SPOCK3: variants seen among roughly 807,000 people sequenced by gnomAD.
SPOCK3 encodes testican-3.
A neutral mutation model predicts 56.6 loss-of-function variants in SPOCK3; 30 were observed. The observed-to-expected ratio is 0.53, with a 90% CI of 0.40 to 0.72. The LOEUF is 0.72. Ranked by LOEUF, SPOCK3 falls within the 30% of genes least tolerant of loss-of-function variation. The pLI is 0.00. For synonymous variants in SPOCK3, 196 were observed against 183.3 expected (o/e 1.07, Z -0.56); for missense variants, 527 against 530.0 (o/e 0.99, Z 0.06).
intron 2 of SPOCK3, among the ~76,000 whole-genome samples, chr4:167,232,704 A>C (rs965042905): frequency 6.6e-6 from 1 of 152,194 alleles, no homozygotes; most frequent in African/African-American, 2.4e-5. Context: ...AATGATGCTT[A>C]AGCTTTGTTC....
chr4:166,742,177 T>G, intron 8 of SPOCK3, 118 bp from the exon 9 acceptor site: 1 of 675,248 alleles, frequency 1.5e-6, no homozygotes, highest in South Asian at 1.7e-5. Flanking sequence ...GTATTACATA[T>G]TAATTGGTTT....
intron 7 of SPOCK3, among the ~76,000 whole-genome samples, chr4:166,771,987 A>G (rs895520584): frequency 1.3e-5 from 2 of 152,056 alleles, no homozygotes; most frequent in African/African-American, 4.8e-5. Flanking sequence ...TGCAATGAAG[A>G]ATATTCAGTC....
At chr4:166,851,185 G>C (rs1333746706) in intron 6 of SPOCK3, among the ~76,000 whole-genome samples, 2 of 152,144 alleles carry the variant, frequency 1.3e-5, no homozygotes, top group East Asian at 1.9e-4. Context: ...GCCTAACTGG[G>C]AGGCACTCCC....
chr4:167,011,445 T>C (rs575135885), intron 3 of SPOCK3: 2 of 186,968 alleles, frequency 1.1e-5, no homozygotes, highest in East Asian at 2.7e-4. Flanking sequence ...TTTGTATTGT[T>C]ACTTTCCTCC....
At chr4:167,125,017 G>T (rs1762144842) in intron 2 of SPOCK3, among the ~76,000 whole-genome samples, 1 of 152,060 alleles carries the variant, frequency 6.6e-6, no homozygotes, top group South Asian at 2.1e-4. Flanking sequence ...TCTTAGTGAA[G>T]TCTTTTCTTG....
intron 4 of SPOCK3, among the ~76,000 whole-genome samples, chr4:166,959,029 A>C (rs556569828): frequency 6.6e-6 from 1 of 152,298 alleles, no homozygotes; most frequent in Non-Finnish European, 1.5e-5. Flanking sequence ...AAAAAGATTA[A>C]TTTTTATTTA....
At chr4:167,103,725 C>T (rs891820932) in intron 2 of SPOCK3, among the ~76,000 whole-genome samples, 1 of 152,076 alleles carries the variant, frequency 6.6e-6, no homozygotes, top group Non-Finnish European at 1.5e-5. Flanking sequence ...ATAGTAGAGC[C>T]CTAGGACCTT....
chr4:166,753,435 A>C lies in SPOCK3; in HGVS notation c.931+1073T>G, dbSNP rs573072172. ...ATAAATATTTTAATACAGTAAATGT[A>C]TTTTTTAAACTTTGTTTAGAGTGGT... On this transcript the variant is annotated intron_variant, in intron 8 of 10. Coordinates refer to ENST00000357545, the MANE Select transcript of SPOCK3 (RefSeq NM_001040159.2). Among the ~76,000 whole-genome samples, 4 of 152,106 alleles carry C rather than the reference A, an allele frequency of 2.6e-5. No homozygotes were observed. The East Asian group carries it at 5.8e-4, about 22-fold the overall frequency.
At chr4:167,122,914 C>G (rs571171534) in intron 2 of SPOCK3, among the ~76,000 whole-genome samples, 1 of 151,680 alleles carries the variant, frequency 6.6e-6, no homozygotes, top group African/African-American at 2.4e-5. Flanking sequence ...TAGTACCAGC[C>G]TTAAAATAAC....
intron 5 of SPOCK3, among the ~76,000 whole-genome samples, chr4:166,893,387 C>T (rs920577208): frequency 4.6e-5 from 7 of 152,068 alleles, no homozygotes; most frequent in African/African-American, 1.7e-4. Context: ...ACTTAATTAT[C>T]TAGAGAAACC....
At position 166,954,826 on chromosome 4, in the gene SPOCK3, C is replaced by T. The variant is rs535958341; in HGVS notation, c.351-42083G>A. On this transcript the variant is annotated intron_variant, in intron 4 of 10. Transcript: ENST00000357545. ...TTGGCATGAAACTCCATCCCCCACCCGCAGGTCCAGGCAGCCAATCATCTA... is the reference window on the plus strand; with the variant it reads ...TTGGCATGAAACTCCATCCCCCACCTGCAGGTCCAGGCAGCCAATCATCTA... Among the ~76,000 whole-genome samples, 51 of 152,264 alleles carry T rather than the reference C, an allele frequency of 3.3e-4. 1 individual carries two copies. Among genetic ancestry groups the T allele is most frequent in the African/African-American group, 1.1e-3 (44 of 41,552 alleles).
intron 9 of SPOCK3, among the ~76,000 whole-genome samples, chr4:166,739,280 A>T (rs538962190): frequency 3.0e-4 from 45 of 151,916 alleles, no homozygotes; most frequent in African/African-American, 1.1e-3. Context: ...TCACTCCATC[A>T]CTCAGGCTGG....
chr4:167,024,562 A>C (rs1272403504), intron 3 of SPOCK3, among the ~76,000 whole-genome samples: 1 of 152,098 alleles, frequency 6.6e-6, no homozygotes, highest in African/African-American at 2.4e-5. Context: ...AGATGTAAAC[A>C]AACTATATCA....
intron 6 of SPOCK3, among the ~76,000 whole-genome samples, chr4:166,861,950 C>T (rs965828667): frequency 3.3e-5 from 5 of 152,046 alleles, no homozygotes; most frequent in Non-Finnish European, 5.9e-5. Context: ...TAGCAATCCC[C>T]AGATAGTATT....
rs144646160 is a variant in SPOCK3, at chr4:167,165,780, G to T, written c.189+68205C>A. On this transcript the variant is annotated intron_variant, in intron 2 of 10. Coordinates refer to ENST00000357545, the MANE Select transcript of SPOCK3 (RefSeq NM_001040159.2). ...GTTGAGCACACACCAAACTATTATA[G>T]ATCACACAATATTGCAGTTGCATAT... Among the ~76,000 whole-genome samples, 956 of 152,060 alleles carry T rather than the reference G, an allele frequency of 6.3e-3. 7 individuals carry two copies. Among genetic ancestry groups the T allele is most frequent in the African/African-American group, 0.019 (805 of 41,520 alleles).
At chr4:166,902,286 T>G (rs1216801555) in intron 5 of SPOCK3, among the ~76,000 whole-genome samples, 1 of 152,136 alleles carries the variant, frequency 6.6e-6, no homozygotes, top group Non-Finnish European at 1.5e-5. Context: ...GGATGGACTT[T>G]ACTTTGGTAA....
intron 5 of SPOCK3, among the ~76,000 whole-genome samples, chr4:166,900,690 C>T (rs1318256406): frequency 3.3e-5 from 5 of 152,114 alleles, no homozygotes; most frequent in African/African-American, 9.7e-5. Context: ...TATATGCAGG[C>T]CATAGTCGAA....
intron 2 of SPOCK3, 147 bp downstream of exon 2, chr4:167,233,838 C>G: frequency 1.4e-6 from 1 of 690,030 alleles, no homozygotes; most frequent in Non-Finnish European, 2.5e-6. Flanking sequence ...GAACTGTGAA[C>G]TTCTCCAGCA....
chr4:166,852,698 G>A (rs1730252674), intron 6 of SPOCK3, among the ~76,000 whole-genome samples: 1 of 152,138 alleles, frequency 6.6e-6, no homozygotes, highest in South Asian at 2.1e-4. Context: ...ATGGCACCCT[G>A]CATGCAACAA....
Sources: allele counts gnomAD v4.1 joint callset (sites outside exome capture counted in the v4.1 genomes callset), GRCh38; gene constraint gnomAD v4.1.1; transcripts MANE v1.5; gene names NCBI Gene and HGNC (gene_info 2026-07-23, HGNC 2026-07-21).